Variants in PLB1 observed in about 807,000 individuals in gnomAD.
PLB1 encodes the protein phospholipase B1, membrane-associated.
Under a neutral mutation model 227.4 loss-of-function variants are expected in PLB1, and 242 were observed. That is an observed-to-expected ratio of 1.06 (90% CI 0.96 to 1.18). PLB1 has a LOEUF of 1.18. PLB1 is among the 50% of genes most tolerant of loss of function. The pLI, the probability that PLB1 is intolerant of heterozygous loss-of-function variation, is 0.00. For synonymous variants in PLB1, 757 were observed against 682.2 expected (o/e 1.11, Z -1.71); for missense variants, 1,858 against 1,816.3 (o/e 1.02, Z -0.42).
intron 20 of PLB1, among the ~76,000 whole-genome samples, chr2:28,567,165 A>G (rs1239029020): frequency 1.3e-5 from 2 of 152,162 alleles, no homozygotes; most frequent in African/African-American, 4.8e-5. Context: ...AAGTGATTCA[A>G]TAATCTGGCA....
At chr2:28,601,740 A>G (rs1247245112) in intron 37 of PLB1, 159 bp from the exon 38 acceptor site, 101 of 688,352 alleles carry the variant, frequency 1.5e-4, no homozygotes, top group Non-Finnish European at 2.9e-5. Flanking sequence ...CAAGTAGTCA[A>G]CTGTTCATCT....
intron 14 of PLB1, 168 bp from the exon 15 acceptor site, chr2:28,548,692 C>A: frequency 1.5e-6 from 1 of 670,888 alleles, no homozygotes; most frequent in Non-Finnish European, 2.7e-6. Context: ...ACTGCTGCCC[C>A]AGCCCCAGAG....
intron 43 of PLB1, among the ~76,000 whole-genome samples, chr2:28,611,929 A>G (rs969405141): frequency 1.3e-5 from 2 of 151,998 alleles, no homozygotes; most frequent in Admixed American, 6.6e-5. Context: ...TCACCAGGTC[A>G]GGAGATCGAG....
intron 16 of PLB1, among the ~76,000 whole-genome samples, chr2:28,550,919 G>T (rs1234590415): frequency 1.3e-5 from 2 of 152,142 alleles, no homozygotes; most frequent in Non-Finnish European, 2.9e-5. Flanking sequence ...CTGATGTTCA[G>T]TCAGGACAGG....
chr2:28,577,878 C>T (rs1178336793), intron 21 of PLB1, among the ~76,000 whole-genome samples: 14 of 152,306 alleles, frequency 9.2e-5, no homozygotes, highest in African/African-American at 3.4e-4. Context: ...CTGAGAATCA[C>T]CCCCTCCTAC....
chr2:28,532,322 AT>A, intron 9 of PLB1, 128 bp downstream of exon 9: 1 of 495,578 alleles, frequency 2.0e-6, no homozygotes. Context: ...TAGAACATGG[AT>A]GGATGGATGG....
intron 33 of PLB1, among the ~76,000 whole-genome samples, chr2:28,596,231 T>C (rs1163416002): frequency 3.9e-5 from 6 of 152,212 alleles, no homozygotes; most frequent in Non-Finnish European, 7.3e-5. Context: ...ATAAATGATA[T>C]CCATCTGAAG....
At chr2:28,538,432 C>G in intron 10 of PLB1, 51 bp downstream of exon 10, 3 of 1,533,258 alleles carry the variant, frequency 2.0e-6, no homozygotes, top group Non-Finnish European at 2.7e-6. Flanking sequence ...CCCATTTACC[C>G]TCATGTGGCC....
At chr2:28,589,861 G>C (rs1296324372) in intron 28 of PLB1, 91 bp downstream of exon 28, 1 of 1,399,958 alleles carries the variant, frequency 7.1e-7, no homozygotes, top group Non-Finnish European at 1.0e-6. Flanking sequence ...CCATCGTGCA[G>C]GCCATGTGAT....
intron 12 of PLB1, 112 bp downstream of exon 12, chr2:28,540,553 C>A: frequency 1.2e-6 from 1 of 818,440 alleles, no homozygotes; most frequent in Non-Finnish European, 2.0e-6. Context: ...AGGACTTCTC[C>A]AGCTGAATTC....
rs189269585 is a variant in PLB1, at chr2:28,555,433, C to T, written c.1147+2442C>T. Among the ~76,000 whole-genome samples the T allele has an allele frequency of 5.2e-3, 782 of 151,356 alleles. 1 individual carries two copies. The highest frequency in any genetic ancestry group is 9.5e-3 in the Admixed American group (144 of 15,218). On this transcript the variant is annotated intron_variant, in intron 17 of 57. Transcript: ENST00000327757. ...CTGGGATTACAGGCATGAGCTACTG[C>T]ACCCAGCCATGTGCCAGTGATCTTG... is the stretch of plus-strand genomic sequence containing the variant.
chr2:28,606,542 A>C lies in PLB1; in HGVS notation c.3104A>C (p.Glu1035Ala), dbSNP rs777186314. Residue 1035 changes from glutamate to alanine, a missense_variant, in exon 43 of 58, where the codon GAG (glutamate) becomes GCG (alanine). Physicochemically the swap from Glu to Ala is moderately radical, Grantham distance 107 (BLOSUM62 -1). Transcript: ENST00000327757. ...SKTETLDLRAEMPITCPTQNE... is the reference protein window; with the variant it reads ...SKTETLDLRAAMPITCPTQNE... The stretch of plus-strand genomic sequence containing the variant: ...ACAGAGACCCTGGACCTGAGAGCAG[A>C]GATGCCCATCACCTGTCCCACTCAG... The C allele has an allele frequency of 1.3e-5, 21 of 1,614,236 alleles. No homozygotes were observed. In the Admixed American group the frequency reaches 3.3e-4, roughly 26 times the overall value.
chr2:28,599,409 C>T (rs931244328), intron 35 of PLB1, among the ~76,000 whole-genome samples: 6 of 152,252 alleles, frequency 3.9e-5, no homozygotes, highest in Admixed American at 3.9e-4. Context: ...CAGGCCCACA[C>T]CTTCTGGTTG....
At chr2:28,519,327 T>G (rs1443548894) in intron 3 of PLB1, among the ~76,000 whole-genome samples, 1 of 152,214 alleles carries the variant, frequency 6.6e-6, no homozygotes. Flanking sequence ...GGTGGTTTTA[T>G]TCTTAATGTG....
Position 28,518,497 on chromosome 2 carries a change from C to CA in PLB1, c.152dup (p.Asn51LysfsTer2), listed in dbSNP as rs751040505. ...AAGAATTCTCCATTCCCATGCAACC[C>CA]AAATAAATTAGGAGTGAATATGCCT... is the stretch of plus-strand genomic sequence containing the variant. On this transcript the variant is annotated frameshift_variant, in exon 3 of 58. Coordinates refer to ENST00000327757, the MANE Select transcript of PLB1 (RefSeq NM_153021.5). LOFTEE classifies it high-confidence loss of function. The CA allele has an allele frequency of 6.2e-7, 1 of 1,613,244 alleles. No individual in the cohort carries two copies. The highest frequency in any genetic ancestry group is 8.5e-7 in the Non-Finnish European group (1 of 1,179,232).
At chr2:28,558,346 T>C (rs556899102) in intron 17 of PLB1, among the ~76,000 whole-genome samples, 89 of 152,330 alleles carry the variant, frequency 5.8e-4, no homozygotes, top group African/African-American at 2.1e-3. Flanking sequence ...CGAGCTAGTG[T>C]TCACAGGATT....
chr2:28,540,925 T>C (rs1241465625), intron 12 of PLB1, among the ~76,000 whole-genome samples: 4 of 152,092 alleles, frequency 2.6e-5, no homozygotes, highest in African/African-American at 9.7e-5. Context: ...AATCCCAGTA[T>C]TTTGGGAGGC....
At chr2:28,496,271 G>A (rs929953278) in intron 1 of PLB1, 102 bp downstream of exon 1, 1 of 1,183,714 alleles carries the variant, frequency 8.4e-7, no homozygotes, top group Admixed American at 2.0e-5. Context: ...TGCTTTTGAA[G>A]AGATAAAGCA....
At chr2:28,617,001 A>G (rs916571143) in intron 44 of PLB1, among the ~76,000 whole-genome samples, 3 of 152,020 alleles carry the variant, frequency 2.0e-5, no homozygotes, top group South Asian at 2.1e-4. Flanking sequence ...AAGATACTCA[A>G]TTTTCCCCCA....
Sources: allele counts gnomAD v4.1 joint callset (sites outside exome capture counted in the v4.1 genomes callset), GRCh38; gene constraint gnomAD v4.1.1; transcripts MANE v1.5; gene names NCBI Gene and HGNC (gene_info 2026-07-23, HGNC 2026-07-21).